NELL1: variants seen among roughly 807,000 people sequenced by gnomAD.
NELL1 encodes the protein neural EGFL like 1.
Under a neutral mutation model 107.4 loss-of-function variants are expected in NELL1, and 76 were observed. The ratio of observed to expected loss-of-function variants is 0.71; its 90% CI spans 0.59 to 0.86. NELL1 has a LOEUF of 0.86. Ranked by LOEUF, NELL1 falls within the 40% of genes least tolerant of loss-of-function variation. The pLI, the probability that NELL1 is intolerant of heterozygous loss-of-function variation, is 0.00. For missense variants in NELL1, 1,024 were observed against 1,005.5 expected (o/e 1.02, Z -0.25); for synonymous variants, 353 against 341.2 (o/e 1.03, Z -0.38).
intron 15 of NELL1, among the ~76,000 whole-genome samples, chr11:21,438,357 A>G (rs1853186717): frequency 6.6e-6 from 1 of 151,760 alleles, no homozygotes; most frequent in East Asian, 1.9e-4. Context: ...TCTGATAGGT[A>G]TTGTTTTCTA....
rs151118784 is a variant in NELL1 at position 21,118,449 on chromosome 11, T to C, written c.1426+4735T>C. Among the ~76,000 whole-genome samples the C allele has an allele frequency of 2.7e-3, 409 of 152,148 alleles. 2 individuals carry two copies. Among genetic ancestry groups the C allele is most frequent in the African/African-American group, 9.2e-3 (381 of 41,534 alleles). ...TTGTTAGACCAAACGTGCTCTGTAC[T>C]CTCCAAGATATATTATGTCCCCACC... is the stretch of plus-strand genomic sequence containing the variant. On this transcript the variant is annotated intron_variant, in intron 13 of 19. Transcript: ENST00000357134.
At chr11:21,531,818 C>T (rs556423739) in intron 15 of NELL1, among the ~76,000 whole-genome samples, 2 of 152,196 alleles carry the variant, frequency 1.3e-5, no homozygotes, top group African/African-American at 4.8e-5. Context: ...ACAAAGGCAG[C>T]CACAACCTAG....
intron 12 of NELL1, among the ~76,000 whole-genome samples, chr11:20,968,237 T>G (rs1334116542): frequency 6.6e-6 from 1 of 152,224 alleles, no homozygotes; most frequent in African/African-American, 2.4e-5. Flanking sequence ...AAAGTTTTAT[T>G]ATCTGACCCT....
chr11:21,209,713 T>C (rs1280168929), intron 13 of NELL1, among the ~76,000 whole-genome samples: 1 of 152,162 alleles, frequency 6.6e-6, no homozygotes, highest in Non-Finnish European at 1.5e-5. Context: ...GAACATTTCT[T>C]AACTGTGGTC....
intron 13 of NELL1, among the ~76,000 whole-genome samples, chr11:21,121,721 A>G (rs1202819976): frequency 6.6e-6 from 1 of 152,168 alleles, no homozygotes; most frequent in Non-Finnish European, 1.5e-5. Flanking sequence ...TTGCACAAAC[A>G]CTTTTGTGAC....
chr11:21,062,939 T>A (rs1853777062), intron 12 of NELL1, among the ~76,000 whole-genome samples: 1 of 152,070 alleles, frequency 6.6e-6, no homozygotes, highest in South Asian at 2.1e-4. Context: ...GCAATTCTCA[T>A]CCCTTAGCCT....
intron 14 of NELL1, among the ~76,000 whole-genome samples, chr11:21,254,507 A>G (rs1858721073): frequency 6.6e-6 from 1 of 152,078 alleles, no homozygotes; most frequent in Non-Finnish European, 1.5e-5. Context: ...CATGGAGAAA[A>G]GGGGATGGGT....
At chr11:21,346,546 A>G (rs1417411783) in intron 14 of NELL1, among the ~76,000 whole-genome samples, 6 of 147,506 alleles carry the variant, frequency 4.1e-5, no homozygotes, top group Non-Finnish European at 7.4e-5. Flanking sequence ...ATGATATATA[A>G]TAATATGTGG....
chr11:21,205,655 G>A (rs1466915536), intron 13 of NELL1, among the ~76,000 whole-genome samples: 1 of 152,152 alleles, frequency 6.6e-6, no homozygotes, highest in Non-Finnish European at 1.5e-5. Context: ...AGGTGCCACT[G>A]GGATATGAAA....
chr11:21,446,024 T>C (rs928106600), intron 15 of NELL1, among the ~76,000 whole-genome samples: 14 of 152,068 alleles, frequency 9.2e-5, no homozygotes, highest in African/African-American at 3.4e-4. Flanking sequence ...GTATACTTTT[T>C]TCTTTTTAAT....
At chr11:20,870,517 C>T (rs1187466086) in intron 4 of NELL1, among the ~76,000 whole-genome samples, 1 of 151,962 alleles carries the variant, frequency 6.6e-6, no homozygotes, top group East Asian at 1.9e-4. Flanking sequence ...GATGGGAGAT[C>T]TCAGTCATCT....
At chr11:21,379,519 C>T (rs965913089) in intron 15 of NELL1, among the ~76,000 whole-genome samples, 6 of 151,976 alleles carry the variant, frequency 3.9e-5, no homozygotes, top group Admixed American at 6.6e-5. Context: ...TGTTCATTCA[C>T]AATATAATTT....
chr11:21,250,923 T>C (rs1211285099), intron 14 of NELL1, among the ~76,000 whole-genome samples: 1 of 152,172 alleles, frequency 6.6e-6, no homozygotes, highest in Non-Finnish European at 1.5e-5. Flanking sequence ...AGCTCTTGAA[T>C]TTGTAAACCA....
chr11:21,521,176 C>T (rs116976418), intron 15 of NELL1, among the ~76,000 whole-genome samples: 1,576 of 152,334 alleles, frequency 0.01, 36 homozygotes, highest in East Asian at 0.074. Context: ...CTGGTTCCCA[C>T]AGATTGTAGC....
intron 15 of NELL1, among the ~76,000 whole-genome samples, chr11:21,400,667 A>T (rs1488403674): frequency 6.6e-6 from 1 of 151,936 alleles, no homozygotes; most frequent in Admixed American, 6.6e-5. Flanking sequence ...GCCAGACTAC[A>T]TTAAAAAGAT....
chr11:21,574,372 T>A (rs1267908519), intron 19 of NELL1, among the ~76,000 whole-genome samples: 2 of 151,780 alleles, frequency 1.3e-5, no homozygotes, highest in Admixed American at 6.6e-5. Context: ...CCCAGAGAAC[T>A]AAATGACCAG....
At chr11:21,498,873 G>C (rs1855060104) in intron 15 of NELL1, among the ~76,000 whole-genome samples, 4 of 151,750 alleles carry the variant, frequency 2.6e-5, no homozygotes, top group Non-Finnish European at 5.9e-5. Context: ...GTGTTTATTT[G>C]CCTTTCCCTA....
intron 13 of NELL1, among the ~76,000 whole-genome samples, chr11:21,136,786 T>A (rs1220558333): frequency 6.6e-6 from 1 of 152,196 alleles, no homozygotes; most frequent in East Asian, 1.9e-4. Context: ...TGTCCACTTT[T>A]TTTTAGAGTA....
chr11:21,531,681 C>G (rs1227295188), intron 15 of NELL1, among the ~76,000 whole-genome samples: 3 of 152,096 alleles, frequency 2.0e-5, no homozygotes, highest in Non-Finnish European at 2.9e-5. Context: ...TGCAGCCAGC[C>G]AGGCTCACAG....
Sources: allele counts gnomAD v4.1 joint callset (sites outside exome capture counted in the v4.1 genomes callset), GRCh38; gene constraint gnomAD v4.1.1; transcripts MANE v1.5; gene names NCBI Gene and HGNC (gene_info 2026-07-23, HGNC 2026-07-21).